Variants in VWC2L observed in about 807,000 individuals in gnomAD.
VWC2L encodes the protein von Willebrand factor C domain-containing protein 2-like.
A neutral mutation model predicts 21.6 loss-of-function variants in VWC2L; 10 were observed. That is an observed-to-expected ratio of 0.46 (90% confidence interval 0.29 to 0.78). The LOEUF (loss-of-function observed/expected upper bound fraction) is 0.78, where lower values mean the gene tolerates loss of function less well. Among genes scored for constraint, VWC2L ranks in the 30% least tolerant of loss-of-function variants. The pLI is 0.10. For synonymous variants in VWC2L, 96 were observed against 94.3 expected (o/e 1.02, Z -0.10); for missense variants, 209 against 277.1 (o/e 0.75, Z 1.74).
intron 3 of VWC2L, among the ~76,000 whole-genome samples, chr2:214,459,464 C>A (rs1703107302): frequency 6.6e-6 from 1 of 152,184 alleles, no homozygotes. Context: ...TTGTTCCTTT[C>A]TTCCCTCTTA....
chr2:214,508,636 C>A (rs1248313971), intron 3 of VWC2L, among the ~76,000 whole-genome samples: 1 of 152,142 alleles, frequency 6.6e-6, no homozygotes, highest in East Asian at 1.9e-4. Context: ...CCCATATTTT[C>A]CTTTTTTTCA....
intron 3 of VWC2L, among the ~76,000 whole-genome samples, chr2:214,453,177 C>G (rs528556824): frequency 2.8e-4 from 43 of 152,086 alleles, no homozygotes; most frequent in Non-Finnish European, 5.9e-4. Context: ...TTTGTTTTCT[C>G]CTATTAATAG....
intron 3 of VWC2L, 64 bp downstream of exon 3, chr2:214,436,822 G>A: frequency 7.6e-6 from 12 of 1,588,578 alleles, no homozygotes; most frequent in Non-Finnish European, 1.0e-5. Context: ...TTTCACTACT[G>A]CATACCATTC....
intron 3 of VWC2L, among the ~76,000 whole-genome samples, chr2:214,443,543 G>A (rs974030788): frequency 7.9e-5 from 12 of 152,236 alleles, no homozygotes; most frequent in East Asian, 1.9e-4. Context: ...TAGGAACCCC[G>A]TTAGTATAAT....
intron 3 of VWC2L, among the ~76,000 whole-genome samples, chr2:214,450,921 A>G (rs1702944266): frequency 6.6e-6 from 1 of 152,208 alleles, no homozygotes; most frequent in Admixed American, 6.5e-5. Context: ...CAACAGTCCT[A>G]TAAAGGGGAA....
intron 3 of VWC2L, among the ~76,000 whole-genome samples, chr2:214,506,269 T>G (rs923604245): frequency 6.6e-6 from 1 of 152,168 alleles, no homozygotes; most frequent in South Asian, 2.1e-4. Context: ...TCTGTAGCAT[T>G]TGAAAAGCTT....
chr2:214,518,781 G>T (rs752083730), intron 3 of VWC2L, among the ~76,000 whole-genome samples: 3 of 152,134 alleles, frequency 2.0e-5, no homozygotes, highest in Non-Finnish European at 4.4e-5. Flanking sequence ...AAGAATGTTA[G>T]TAATCAGAAA....
chr2:214,528,689 C>T (rs1689382074), intron 3 of VWC2L, among the ~76,000 whole-genome samples: 1 of 152,146 alleles, frequency 6.6e-6, no homozygotes, highest in Middle Eastern at 3.4e-3. Flanking sequence ...TGTCAAAACC[C>T]ATGTTCGTGA....
chr2:214,418,684 C>A (rs905064817), intron 2 of VWC2L, among the ~76,000 whole-genome samples: 6 of 152,064 alleles, frequency 3.9e-5, no homozygotes, highest in African/African-American at 1.4e-4. Context: ...CATACCAGGT[C>A]AAATTGTAAT....
At position 214,578,396 on chromosome 2, in the gene VWC2L, T is replaced by C. The variant is rs974824815; in HGVS notation, c.*2576T>C. ...AGAGAGTTTGCAGAAAGCAGGCTGT[T>C]CTGTGGCCTCTGATAACCAGCTAGA... On this transcript the variant is annotated 3_prime_UTR_variant, in exon 4 of 4. Transcript: ENST00000312504. The C allele has an allele frequency of 2.6e-5, 4 of 152,208 alleles. No homozygotes were observed. The highest frequency in any genetic ancestry group is 2.4e-5 in the African/African-American group (1 of 41,466). 9.4% of individuals were successfully genotyped at this position (152,208 alleles called of 1,614,324 possible). A position where few individuals can be genotyped will look rare whatever the true frequency, so the allele number is the denominator to read the frequency against.
At chr2:214,522,430 C>A (rs1348022727) in intron 3 of VWC2L, among the ~76,000 whole-genome samples, 2 of 151,064 alleles carry the variant, frequency 1.3e-5, no homozygotes, top group African/African-American at 4.9e-5. Flanking sequence ...ATTCCTCCTC[C>A]ACTTCTATTT....
At chr2:214,427,874 G>T (rs1190126144) in intron 2 of VWC2L, among the ~76,000 whole-genome samples, 1 of 152,130 alleles carries the variant, frequency 6.6e-6, no homozygotes, top group African/African-American at 2.4e-5. Context: ...AAGAAAAATA[G>T]TCTGTAAATG....
At chr2:214,557,667 C>A (rs1689894459) in intron 3 of VWC2L, among the ~76,000 whole-genome samples, 1 of 152,134 alleles carries the variant, frequency 6.6e-6, no homozygotes, top group Non-Finnish European at 1.5e-5. Flanking sequence ...ATCTTTTCTT[C>A]ACCCTTAGCA....
At chr2:214,564,619 G>T (rs1326536172) in intron 3 of VWC2L, among the ~76,000 whole-genome samples, 1 of 152,076 alleles carries the variant, frequency 6.6e-6, no homozygotes, top group Non-Finnish European at 1.5e-5. Context: ...GCTTTGTTTG[G>T]CCTTCCTGTG....
chr2:214,451,314 G>GT lies in VWC2L; in HGVS notation c.520+14556_520+14557insT, dbSNP rs1553586379. 1.1e-4 allele frequency among the ~76,000 whole-genome samples: 16 copies of GT among 140,312 alleles called. 1 individual carries two copies. The highest frequency in any genetic ancestry group is 1.9e-4 in the African/African-American group (7 of 36,060). 92.1% of individuals were successfully genotyped at this position (140,312 alleles called of 152,430 possible). On this transcript the variant is annotated intron_variant, in intron 3 of 3. Transcript: ENST00000312504. ...AAGGATAAGTGGGTCGGTGTGGGGG[G>GT]GGGGGGCAGTAAAAGCTGAAATAAT... is the stretch of plus-strand genomic sequence containing the variant.
At chr2:214,425,472 A>C (rs1559286958) in intron 2 of VWC2L, among the ~76,000 whole-genome samples, 1 of 152,212 alleles carries the variant, frequency 6.6e-6, no homozygotes, top group African/African-American at 2.4e-5. Flanking sequence ...ATAACTTAAT[A>C]ATTTTCCATT....
chr2:214,427,112 A>G (rs1386695534), intron 2 of VWC2L, among the ~76,000 whole-genome samples: 1 of 152,242 alleles, frequency 6.6e-6, no homozygotes, highest in Non-Finnish European at 1.5e-5. Flanking sequence ...AGAAAATGCA[A>G]AACTTGTTAA....
intron 3 of VWC2L, among the ~76,000 whole-genome samples, chr2:214,556,637 T>A (rs1348174062): frequency 2.0e-5 from 3 of 152,222 alleles, no homozygotes; most frequent in Non-Finnish European, 4.4e-5. Flanking sequence ...CAGAGCTCGG[T>A]AATGTTATTC....
At chr2:214,506,525 G>A (rs989141373) in intron 3 of VWC2L, among the ~76,000 whole-genome samples, 1 of 152,034 alleles carries the variant, frequency 6.6e-6, no homozygotes, top group East Asian at 1.9e-4. Context: ...TTTCTGCAGA[G>A]CAATTTAGCT....
Sources: allele counts gnomAD v4.1 joint callset (sites outside exome capture counted in the v4.1 genomes callset), GRCh38; gene constraint gnomAD v4.1.1; transcripts MANE v1.5; gene names NCBI Gene and HGNC (gene_info 2026-07-23, HGNC 2026-07-21).